Variants in CEP126 observed in about 807,000 individuals in gnomAD.
CEP126 encodes centrosomal protein of 126 kDa.
A neutral mutation model predicts 107.8 loss-of-function variants in CEP126; 74 were observed. That is an observed-to-expected ratio of 0.69 (90% CI 0.57 to 0.83). The LOEUF is 0.83. Ranked by LOEUF, CEP126 falls within the 40% of genes least tolerant of loss-of-function variation. The pLI is 0.00. For missense variants in CEP126, 1,237 were observed against 1,281.9 expected (o/e 0.96, Z 0.53); for synonymous variants, 449 against 446.0 (o/e 1.01, Z -0.08).
chr11:101,924,709 C>CAAGTG (rs1191044601), intron 2 of CEP126, among the ~76,000 whole-genome samples: 1 of 151,904 alleles, frequency 6.6e-6, no homozygotes, highest in East Asian at 1.9e-4. Context: ...CTCAAGTGAT[C>CAAGTG]CTCCCATCTC....
At chr11:101,961,408 T>G (rs1940967668) in intron 5 of CEP126, among the ~76,000 whole-genome samples, 1 of 152,120 alleles carries the variant, frequency 6.6e-6, no homozygotes, top group South Asian at 2.1e-4. Context: ...GAATCTCACT[T>G]TCTATTACTA....
intron 9 of CEP126, among the ~76,000 whole-genome samples, chr11:101,988,544 A>G (rs1403946018): frequency 1.3e-5 from 2 of 152,206 alleles, no homozygotes; most frequent in Admixed American, 1.3e-4. Context: ...CAGAGTAAAT[A>G]AAAAGAAATG....
Position 101,958,249 on chromosome 11 carries a change from T to A in CEP126, c.588T>A (p.Cys196Ter). Residue 196 changes from cysteine (C) to a stop codon, truncating the protein, a stop_gained, in exon 5 of 11, where the codon TGT becomes TGA. Coordinates refer to ENST00000263468, the MANE Select transcript of CEP126 (RefSeq NM_020802.4). LOFTEE classifies it high-confidence loss of function. ...HQKQLLSKIN[C>*]EKEMNENMRA... Reference sequence around the variant, plus strand: ...AACAACTCTTATCCAAAATCAATTGTGAGAAAGAAATGAATGAAAACATGA... The same window carrying A: ...AACAACTCTTATCCAAAATCAATTGAGAGAAAGAAATGAATGAAAACATGA... 1.2e-6 allele frequency: 2 copies of A among 1,613,880 alleles called. No individual in the cohort carries two copies. The highest frequency in any genetic ancestry group is 1.7e-6 in the Non-Finnish European group (2 of 1,179,886).
At chr11:101,961,035 A>G (rs1031216687) in intron 5 of CEP126, among the ~76,000 whole-genome samples, 2 of 152,126 alleles carry the variant, frequency 1.3e-5, no homozygotes, top group Non-Finnish European at 2.9e-5. Flanking sequence ...GTAAATGTCT[A>G]TGGAATTTAT....
At chr11:101,935,249 G>A (rs1940560068) in intron 2 of CEP126, among the ~76,000 whole-genome samples, 1 of 151,744 alleles carries the variant, frequency 6.6e-6, no homozygotes, top group South Asian at 2.1e-4. Flanking sequence ...TATATTCTGG[G>A]TACAAGTTCT....
chr11:101,954,176 T>C lies in CEP126; in HGVS notation c.507-3992T>C, dbSNP rs190358468. Among the ~76,000 whole-genome samples the C allele has an allele frequency of 6.2e-3, 943 of 152,078 alleles. 2 individuals are homozygous for C. The highest frequency in any genetic ancestry group is 9.8e-3 in the Non-Finnish European group (666 of 67,944). The stretch of plus-strand genomic sequence containing the variant: ...CCAAGTAGCTGGGATTACAGGAACG[T>C]ACCACCACACCCAGCTAATTTTTGT... On this transcript the variant is annotated intron_variant, in intron 4 of 10. Coordinates refer to ENST00000263468, the MANE Select transcript of CEP126 (RefSeq NM_020802.4).
intron 6 of CEP126, among the ~76,000 whole-genome samples, chr11:101,971,778 G>C (rs1173120625): frequency 1.3e-5 from 2 of 152,186 alleles, no homozygotes; most frequent in Non-Finnish European, 2.9e-5. Flanking sequence ...GATAATAAGA[G>C]AACCCTGTAC....
chr11:101,943,904 A>T (rs1023913187), intron 2 of CEP126, among the ~76,000 whole-genome samples: 1 of 152,120 alleles, frequency 6.6e-6, no homozygotes, highest in African/African-American at 2.4e-5. Context: ...TTTCAAAGCT[A>T]CTTCTTTCAC....
chr11:101,924,009 A>G (rs913295347), intron 2 of CEP126, among the ~76,000 whole-genome samples: 1 of 152,136 alleles, frequency 6.6e-6, no homozygotes, highest in African/African-American at 2.4e-5. Context: ...TCAGTTGTTT[A>G]TTTTACAATA....
intron 2 of CEP126, among the ~76,000 whole-genome samples, chr11:101,924,577 T>C (rs762309057): frequency 1.0e-3 from 157 of 152,106 alleles, no homozygotes; most frequent in Non-Finnish European, 1.6e-3. Flanking sequence ...ACGATTCCCC[T>C]GCCTCAACCC....
At chr11:101,930,508 A>C (rs748629163) in intron 2 of CEP126, among the ~76,000 whole-genome samples, 11 of 152,140 alleles carry the variant, frequency 7.2e-5, no homozygotes, top group Non-Finnish European at 1.5e-4. Context: ...TGCGGACCCA[A>C]AGAGTGACCA....
At chr11:101,961,586 T>C (rs1940969297) in intron 5 of CEP126, among the ~76,000 whole-genome samples, 155 bp from the exon 6 acceptor site, 1 of 152,106 alleles carries the variant, frequency 6.6e-6, no homozygotes, top group South Asian at 2.1e-4. Flanking sequence ...TGAGGATTGC[T>C]GCAGGGATAA....
rs548950984 is a variant in CEP126, at chr11:101,962,401, T to A, written c.1366T>A (p.Cys456Ser). ...TGGAACTACTTCAATTCCTACTTCA[T>A]GTGTACCAGTGGCAACGCCTTTAGT... ...ENGTTSIPTS[C>S]VPVATPLVLP... is the part of the protein sequence containing the mutation. The change falls in exon 6 of 11, where the codon TGT becomes AGT. Residue 456 changes from cysteine to serine, a missense_variant. This residue lies in a region of CEP126 where 1,134 missense variants were observed against 1,150.5 expected (regional missense o/e 0.99). Coordinates refer to ENST00000263468, the MANE Select transcript of CEP126 (RefSeq NM_020802.4). 1 of 1,613,832 alleles carries A rather than the reference T, an allele frequency of 6.2e-7. No individual in the cohort carries two copies. The highest frequency in any genetic ancestry group is 8.5e-7 in the Non-Finnish European group (1 of 1,179,930).
At chr11:101,941,088 G>A (rs1406318395) in intron 2 of CEP126, among the ~76,000 whole-genome samples, 1 of 152,142 alleles carries the variant, frequency 6.6e-6, no homozygotes, top group Non-Finnish European at 1.5e-5. Flanking sequence ...TGTTGACTCT[G>A]TCAGCTTCTG....
chr11:101,928,785 T>C (rs1294292410), intron 2 of CEP126, among the ~76,000 whole-genome samples: 2 of 152,238 alleles, frequency 1.3e-5, no homozygotes, highest in Non-Finnish European at 2.9e-5. Context: ...TTGATTACTG[T>C]AGCTGTATAA....
chr11:101,947,730 T>C (rs1308749330), intron 3 of CEP126, among the ~76,000 whole-genome samples: 3 of 152,144 alleles, frequency 2.0e-5, no homozygotes, highest in Non-Finnish European at 4.4e-5. Flanking sequence ...GTCATAAGTT[T>C]ATGGCACTAT....
intron 4 of CEP126, among the ~76,000 whole-genome samples, 199 bp from the exon 5 acceptor site, chr11:101,957,969 T>C (rs115374771): frequency 0.021 from 3,168 of 152,300 alleles, 62 homozygotes; most frequent in African/African-American, 0.051. Context: ...ACTGGTACTT[T>C]AGTCTCACAA....
At chr11:101,984,295 G>A (rs1361883681) in intron 8 of CEP126, among the ~76,000 whole-genome samples, 1 of 152,154 alleles carries the variant, frequency 6.6e-6, no homozygotes, top group African/African-American at 2.4e-5. Context: ...TGCATTCCTG[G>A]CACAACCTCT....
chr11:101,973,263 T>G (rs567388145), intron 6 of CEP126, among the ~76,000 whole-genome samples: 8 of 152,342 alleles, frequency 5.3e-5, no homozygotes, highest in Admixed American at 5.2e-4. Context: ...AACTTTTTAA[T>G]GTTTTTCAGT....
Sources: gnomAD v4.1 joint callset for allele counts (sites outside exome capture counted in the v4.1 genomes callset) on GRCh38, gnomAD v4.1.1 for gene constraint, gnomAD v4.1.1 regional missense constraint, MANE v1.5 for transcripts, NCBI Gene and HGNC (gene_info 2026-07-23, HGNC 2026-07-21) for gene names.